The following RUNDC3B variants were observed in gnomAD, a reference collection of about 807,000 sequenced individuals.
RUNDC3B encodes the protein RUN domain-containing protein 3B.
In RUNDC3B, 33 loss-of-function variants were observed where a neutral mutation model predicts 58.4. The ratio of observed to expected loss-of-function variants is 0.56; its 90% CI spans 0.43 to 0.75. The LOEUF (loss-of-function observed/expected upper bound fraction) is 0.75, where lower values mean the gene tolerates loss of function less well. RUNDC3B is among the 30% of genes least tolerant of loss of function. RUNDC3B has a pLI of 0.00. For missense variants in RUNDC3B, 501 were observed against 535.7 expected (o/e 0.94, Z 0.64); for synonymous variants, 193 against 195.2 (o/e 0.99, Z 0.10).
intron 10 of RUNDC3B, among the ~76,000 whole-genome samples, chr7:87,822,199 AAAAC>A (rs1275999574): frequency 6.6e-6 from 1 of 151,622 alleles, no homozygotes; most frequent in Non-Finnish European, 1.5e-5. Context: ...TTACAAGAAA[AAAAC>A]AACCCCATCA....
At chr7:87,702,103 A>C (rs549919527) in intron 3 of RUNDC3B, among the ~76,000 whole-genome samples, 1 of 130,128 alleles carries the variant, frequency 7.7e-6, no homozygotes, top group South Asian at 2.6e-4. Flanking sequence ...AGATCGCGCC[A>C]CTGCACTCCA....
chr7:87,823,045 A>G (rs1342093865), intron 10 of RUNDC3B, among the ~76,000 whole-genome samples: 1 of 152,062 alleles, frequency 6.6e-6, no homozygotes, highest in Admixed American at 6.6e-5. Context: ...TAATAATAAT[A>G]AAATAAAATT....
chr7:87,780,922 C>T lies in RUNDC3B; in HGVS notation c.956+2967C>T, dbSNP rs149477323. On this transcript the variant is annotated intron_variant, in intron 8 of 10. Coordinates refer to ENST00000394654, the MANE Select transcript of RUNDC3B (RefSeq NM_001134405.2). ...TATAGTTTAAAGTCGGGTAATGTGA[C>T]GCCTCCAGCTTTGTTATTTTTTATT... Among the ~76,000 whole-genome samples, 769 of 152,084 alleles carry T rather than the reference C, an allele frequency of 5.1e-3. 5 individuals are homozygous for T. Among genetic ancestry groups the T allele is most frequent in the Non-Finnish European group, 6.7e-3 (457 of 67,920 alleles).
At chr7:87,644,680 G>A (rs1822803810) in intron 1 of RUNDC3B, among the ~76,000 whole-genome samples, 2 of 151,802 alleles carry the variant, frequency 1.3e-5, no homozygotes, top group South Asian at 4.2e-4. Flanking sequence ...AAGCATATTG[G>A]ATAAATGGCC....
intron 4 of RUNDC3B, among the ~76,000 whole-genome samples, chr7:87,726,388 G>T (rs1831232193): frequency 6.6e-6 from 1 of 152,198 alleles, no homozygotes; most frequent in Admixed American, 6.5e-5. Flanking sequence ...GTTCGTCAAA[G>T]ATCAGATGGT....
chr7:87,740,598 AATAAGT>A (rs1292297745), intron 5 of RUNDC3B, among the ~76,000 whole-genome samples: 5 of 152,172 alleles, frequency 3.3e-5, no homozygotes, highest in Non-Finnish European at 2.9e-5. Context: ...ATATTAACAA[AATAAGT>A]ATAAGACAAA....
rs577945175 is a variant in RUNDC3B at position 87,702,006 on chromosome 7, G to A, written c.372+1452G>A. Among the ~76,000 whole-genome samples the A allele has an allele frequency of 5.8e-4, 88 of 151,700 alleles. No individual in the cohort carries two copies. The South Asian group carries it at 9.8e-3, about 17-fold the overall frequency. On this transcript the variant is annotated intron_variant, in intron 3 of 10. Coordinates refer to ENST00000394654, the MANE Select transcript of RUNDC3B (RefSeq NM_001134405.2). The stretch of plus-strand genomic sequence containing the variant: ...AAAATATAAAAAATTAGCCAGGCGT[G>A]GTGGTGGGCACCTGTAATCCCAGCT...
rs373009147 is a variant in RUNDC3B at position 87,692,255 on chromosome 7, A to G, written c.239-8166A>G. Among the ~76,000 whole-genome samples the G allele has an allele frequency of 2.4e-4, 37 of 152,262 alleles. No individual in the cohort carries two copies. The East Asian group carries it at 7.1e-3, about 29-fold the overall frequency. Reference sequence around the variant, plus strand: ...CCATTGAGCCCAGGAGTTTGAGACCAGCCTGAGCAACATAGCAAGATCTGG... The same window carrying G: ...CCATTGAGCCCAGGAGTTTGAGACCGGCCTGAGCAACATAGCAAGATCTGG... On this transcript the variant is annotated intron_variant, in intron 2 of 10. Transcript: ENST00000394654.
chr7:87,641,647 T>C (rs1245920882), intron 1 of RUNDC3B, among the ~76,000 whole-genome samples: 1 of 152,244 alleles, frequency 6.6e-6, no homozygotes, highest in Non-Finnish European at 1.5e-5. Flanking sequence ...CCTGCCTTCC[T>C]CTTTTACTCT....
intron 8 of RUNDC3B, among the ~76,000 whole-genome samples, chr7:87,794,659 C>A (rs1835716186): frequency 2.0e-5 from 3 of 149,540 alleles, no homozygotes; most frequent in Non-Finnish European, 4.4e-5. Flanking sequence ...TTTATGGAAC[C>A]ACAAAAAACC....
At chr7:87,712,022 A>G (rs953136321) in intron 4 of RUNDC3B, among the ~76,000 whole-genome samples, 2 of 152,162 alleles carry the variant, frequency 1.3e-5, no homozygotes, top group African/African-American at 4.8e-5. Context: ...CTGGGCATTT[A>G]TTATGACACA....
Position 87,681,563 on chromosome 7 carries a change from A to G in RUNDC3B, c.239-18858A>G, listed in dbSNP as rs187298318. The stretch of plus-strand genomic sequence containing the variant: ...TATGTCTAAAAAATGTACATACCCT[A>G]ATTAAACTACTTTACTGCTAAAAAT... On this transcript the variant is annotated intron_variant, in intron 2 of 10. Transcript: ENST00000394654. Among the ~76,000 whole-genome samples the G allele has an allele frequency of 1.6e-3, 234 of 150,898 alleles. 10 individuals carry two copies. Among genetic ancestry groups the G allele is most frequent in the African/African-American group, 2.9e-3 (119 of 40,790 alleles).
At chr7:87,787,304 T>G in intron 8 of RUNDC3B, among the ~76,000 whole-genome samples, 1 of 152,180 alleles carries the variant, frequency 6.6e-6, no homozygotes, top group South Asian at 2.1e-4. Context: ...AGTTGGGCAT[T>G]GAAATTTCCT....
intron 4 of RUNDC3B, among the ~76,000 whole-genome samples, chr7:87,729,191 G>T (rs1415922447): frequency 6.6e-6 from 1 of 151,998 alleles, no homozygotes; most frequent in Non-Finnish European, 1.5e-5. Context: ...TGAAAAGAAG[G>T]CTCCAACAAT....
chr7:87,769,392 T>C (rs1834150320), intron 6 of RUNDC3B, among the ~76,000 whole-genome samples: 2 of 152,122 alleles, frequency 1.3e-5, no homozygotes, highest in Admixed American at 6.6e-5. Context: ...GTGTGATTAC[T>C]TTTGTACTAG....
chr7:87,639,277 T>G (rs535915017), intron 1 of RUNDC3B, among the ~76,000 whole-genome samples: 1 of 152,344 alleles, frequency 6.6e-6, no homozygotes, highest in East Asian at 1.9e-4. Context: ...CTGAAAGATT[T>G]TGAGCTTTTG....
At chr7:87,696,105 G>A (rs373921913) in intron 2 of RUNDC3B, among the ~76,000 whole-genome samples, 9 of 152,222 alleles carry the variant, frequency 5.9e-5, no homozygotes, top group African/African-American at 1.7e-4. Context: ...TTGGGAAAAT[G>A]TTAACTTCCA....
intron 4 of RUNDC3B, among the ~76,000 whole-genome samples, chr7:87,716,829 T>C (rs1830580205): frequency 6.6e-6 from 1 of 152,222 alleles, no homozygotes; most frequent in Non-Finnish European, 1.5e-5. Context: ...TGTATAATTA[T>C]GATATTATTA....
chr7:87,730,051 C>A (rs1171295103), intron 4 of RUNDC3B, among the ~76,000 whole-genome samples: 1 of 152,148 alleles, frequency 6.6e-6, no homozygotes, highest in Non-Finnish European at 1.5e-5. Context: ...ACTTAAGAGC[C>A]CTTGGGCCTT....
Sources: gnomAD v4.1 joint callset for allele counts (sites outside exome capture counted in the v4.1 genomes callset) on GRCh38, gnomAD v4.1.1 for gene constraint, MANE v1.5 for transcripts, NCBI Gene and HGNC (gene_info 2026-07-23, HGNC 2026-07-21) for gene names.